LRP1B: variants seen among roughly 807,000 people sequenced by gnomAD.
The protein encoded by LRP1B is LDL receptor related protein 1B.
Under a neutral mutation model 556.6 loss-of-function variants are expected in LRP1B, and 217 were observed. The observed-to-expected ratio is 0.39, with a 90% confidence interval of 0.35 to 0.44. The LOEUF is 0.44. Among genes scored for constraint, LRP1B ranks in the 20% least tolerant of loss-of-function variants. The probability of loss-of-function intolerance (pLI) is 1.00; values close to 1 mark genes in which losing one functional copy is unlikely to be tolerated. For synonymous variants in LRP1B, 2,047 were observed against 1,865.8 expected (o/e 1.10, Z -2.50); for missense variants, 5,053 against 5,620.8 (o/e 0.90, Z 3.23).
chr2:141,478,923 TC>T (rs1682814613), intron 3 of LRP1B, among the ~76,000 whole-genome samples: 1 of 152,156 alleles, frequency 6.6e-6, no homozygotes, highest in African/African-American at 2.4e-5. Flanking sequence ...ATAAAATCTC[TC>T]ATTCATTATT....
chr2:142,014,952 A>C (rs1400424084), intron 1 of LRP1B, among the ~76,000 whole-genome samples: 1 of 152,220 alleles, frequency 6.6e-6, no homozygotes, highest in Non-Finnish European at 1.5e-5. Flanking sequence ...TAAAAATTGA[A>C]AACTAAATAA....
At chr2:141,872,956 G>T (rs1013984979) in intron 1 of LRP1B, among the ~76,000 whole-genome samples, 1 of 151,982 alleles carries the variant, frequency 6.6e-6, no homozygotes, top group Non-Finnish European at 1.5e-5. Context: ...GAATACTGAA[G>T]TTCAAGTCCT....
intron 3 of LRP1B, among the ~76,000 whole-genome samples, chr2:141,265,677 T>A (rs988951610): frequency 6.6e-6 from 1 of 152,186 alleles, no homozygotes; most frequent in African/African-American, 2.4e-5. Flanking sequence ...CTTTCCCTTA[T>A]TCTCAAAACA....
intron 1 of LRP1B, among the ~76,000 whole-genome samples, chr2:142,099,087 A>T (rs1203023170): frequency 2.0e-5 from 3 of 151,836 alleles, no homozygotes; most frequent in African/African-American, 7.2e-5. Flanking sequence ...TAGAATAAAA[A>T]TGAGAATGGC....
At chr2:141,045,002 A>T (rs1698824545) in intron 11 of LRP1B, among the ~76,000 whole-genome samples, 2 of 151,702 alleles carry the variant, frequency 1.3e-5, no homozygotes, top group Admixed American at 6.6e-5. Flanking sequence ...TCATGATAGC[A>T]AAGACTTGGA....
At chr2:141,944,621 CATCCAAAGAAAATATATAT>C (rs1248120045) in intron 1 of LRP1B, among the ~76,000 whole-genome samples, 3 of 152,024 alleles carry the variant, frequency 2.0e-5, no homozygotes, top group African/African-American at 7.2e-5. Flanking sequence ...TATAGAGAAT[CATCCAAAGAAAATATATAT>C]ATCCAAAGAT....
intron 31 of LRP1B, among the ~76,000 whole-genome samples, chr2:140,835,106 C>A (rs1429740916): frequency 6.6e-6 from 1 of 152,136 alleles, no homozygotes; most frequent in African/African-American, 2.4e-5. Context: ...AAATATACTT[C>A]TTTGGTCTAT....
At chr2:141,687,543 G>A (rs1282666794) in intron 2 of LRP1B, among the ~76,000 whole-genome samples, 1 of 151,884 alleles carries the variant, frequency 6.6e-6, no homozygotes, top group Non-Finnish European at 1.5e-5. Flanking sequence ...CATAGCTGTT[G>A]GTTCTTGACC....
intron 2 of LRP1B, among the ~76,000 whole-genome samples, chr2:141,495,944 C>A (rs1252957752): frequency 6.6e-6 from 1 of 151,470 alleles, no homozygotes; most frequent in Non-Finnish European, 1.5e-5. Context: ...CAGTATTTAA[C>A]ACAGAAAGAG....
chr2:140,272,288 C>CACACACAT (rs1415864791), intron 85 of LRP1B, among the ~76,000 whole-genome samples: 1 of 138,214 alleles, frequency 7.2e-6, no homozygotes, highest in South Asian at 2.3e-4. Flanking sequence ...CACACACACA[C>CACACACAT]ACACAGAATA....
chr2:141,808,711 G>T (rs780496238), intron 2 of LRP1B, among the ~76,000 whole-genome samples: 3 of 151,968 alleles, frequency 2.0e-5, no homozygotes, highest in Non-Finnish European at 2.9e-5. Flanking sequence ...CCAAAAGACC[G>T]TATATTCAAT....
intron 18 of LRP1B, among the ~76,000 whole-genome samples, chr2:140,978,812 G>A (rs991061211): frequency 6.6e-6 from 1 of 152,078 alleles, no homozygotes; most frequent in South Asian, 2.1e-4. Flanking sequence ...TGTTTCCTTG[G>A]TTGTAAAGAA....
intron 2 of LRP1B, among the ~76,000 whole-genome samples, chr2:141,737,224 T>C (rs1440802477): frequency 6.6e-6 from 1 of 152,128 alleles, no homozygotes; most frequent in Non-Finnish European, 1.5e-5. Flanking sequence ...TGGTGGCACA[T>C]GCCTGTAATC....
At chr2:141,568,085 A>G (rs149191413) in intron 2 of LRP1B, among the ~76,000 whole-genome samples, 2,586 of 151,082 alleles carry the variant, frequency 0.017, 160 homozygotes, top group Non-Finnish European at 0.026. Context: ...AATATTTAAG[A>G]CTTGCTTGCT....
chr2:141,047,796 T>A lies in LRP1B; in HGVS notation c.1789+1190A>T, dbSNP rs1245389081. Among the ~76,000 whole-genome samples, 3 of 152,218 alleles carry A rather than the reference T, an allele frequency of 2.0e-5. No individual in the cohort carries two copies. In the East Asian group the frequency reaches 5.8e-4, roughly 30 times the overall value. ...CACCCTCTTTCTAGAGATTGTGCTT[T>A]TCTTTTTTTATCATGGAATTTCTGG... On this transcript the variant is annotated intron_variant, in intron 11 of 90. Transcript: ENST00000389484.
rs565143201 is a variant in LRP1B, at chr2:141,437,636, GA to G, written c.343+42759del. Among the ~76,000 whole-genome samples, 9 of 151,648 alleles carry G rather than the reference GA, an allele frequency of 5.9e-5. No individual in the cohort carries two copies. In the South Asian group the frequency reaches 1.0e-3, roughly 18 times the overall value. Reference sequence around the variant, plus strand: ...TAATTTTTGTATTATCATTCTGGGGGAAAAAAATCTCAGGGGTATAGTATTT... The same window carrying G: ...TAATTTTTGTATTATCATTCTGGGGGAAAAAATCTCAGGGGTATAGTATTT... On this transcript the variant is annotated intron_variant, in intron 3 of 90. Transcript: ENST00000389484.
At position 140,595,087 on chromosome 2, in the gene LRP1B, A is replaced by AATATATCTAT. The variant is rs1204829412; in HGVS notation, c.7194+3543_7194+3544insATAGATATAT. ...CTACTTAAAAATAAAATATAAATTG[A>AATATATCTAT]ATATATATATATATATATATATATA... On this transcript the variant is annotated intron_variant, in intron 43 of 90. Coordinates refer to ENST00000389484, the MANE Select transcript of LRP1B (RefSeq NM_018557.3). Among the ~76,000 whole-genome samples the AATATATCTAT allele has an allele frequency of 2.3e-3, 232 of 99,674 alleles. 8 individuals carry two copies. Among genetic ancestry groups the AATATATCTAT allele is most frequent in the Middle Eastern group, 5.5e-3 (1 of 182 alleles). The allele number at this position is 99,674 out of a possible 152,430, so 65.4% of individuals were successfully genotyped here.
intron 3 of LRP1B, among the ~76,000 whole-genome samples, chr2:141,363,159 A>C (rs544364129): frequency 1.6e-4 from 25 of 152,234 alleles, no homozygotes; most frequent in Non-Finnish European, 1.5e-5. Flanking sequence ...TATATGACAT[A>C]CTTCTTTGTC....
rs1703393352 is a variant in LRP1B at position 142,023,104 on chromosome 2, T to G, written c.82+107544A>C. 2.0e-5 allele frequency among the ~76,000 whole-genome samples: 3 copies of G among 152,190 alleles called. No individual in the cohort carries two copies. The South Asian group carries it at 6.2e-4, about 31-fold the overall frequency. On this transcript the variant is annotated intron_variant, in intron 1 of 90. Transcript: ENST00000389484. ...AATTATATCTGAATCAGTTGGGAAT[T>G]GACTCTTGTTCTATACCTTTCTATC... is the stretch of plus-strand genomic sequence containing the variant.
Sources: gnomAD v4.1 joint callset for allele counts (sites outside exome capture counted in the v4.1 genomes callset) on GRCh38, gnomAD v4.1.1 for gene constraint, MANE v1.5 for transcripts, NCBI Gene and HGNC (gene_info 2026-07-23, HGNC 2026-07-21) for gene names.